ADAMTS3: variants seen among roughly 807,000 people sequenced by gnomAD.
ADAMTS3 encodes ADAM metallopeptidase with thrombospondin type 1 motif 3, also known as A disintegrin and metalloproteinase with thrombospondin motifs 3.
Under a neutral mutation model 129.0 loss-of-function variants are expected in ADAMTS3, and 73 were observed. The observed-to-expected ratio is 0.57, with a 90% CI of 0.47 to 0.69. The LOEUF (loss-of-function observed/expected upper bound fraction) is 0.69. ADAMTS3 is among the 30% of genes least tolerant of loss of function. The probability of loss-of-function intolerance (pLI) is 0.00; values close to 1 mark genes in which losing one functional copy is unlikely to be tolerated. For missense variants in ADAMTS3, 1,457 were observed against 1,514.5 expected, an observed-to-expected ratio of 0.96 and a Z score of 0.63; for synonymous variants, 477 against 510.8, an observed-to-expected ratio of 0.93 and a Z score of 0.89.
chr4:72,536,386 A>G (rs1316946500), intron 3 of ADAMTS3, among the ~76,000 whole-genome samples: 1 of 152,206 alleles, frequency 6.6e-6, no homozygotes, highest in African/African-American at 2.4e-5. Context: ...GGAAGACTAT[A>G]TTTTCCACAA....
At chr4:72,520,250 T>G (rs566407988) in intron 3 of ADAMTS3, among the ~76,000 whole-genome samples, 1 of 151,304 alleles carries the variant, frequency 6.6e-6, no homozygotes, top group Non-Finnish European at 1.5e-5. Flanking sequence ...CTGCCCCTAC[T>G]GGGGGGTGCC....
At chr4:72,510,292 G>T (rs1421195861) in intron 3 of ADAMTS3, among the ~76,000 whole-genome samples, 1 of 151,110 alleles carries the variant, frequency 6.6e-6, no homozygotes, top group Non-Finnish European at 1.5e-5. Context: ...ACAAGAGAAT[G>T]ATATAAAGGG....
intron 2 of ADAMTS3, among the ~76,000 whole-genome samples, chr4:72,565,002 C>A (rs143037871): frequency 1.3e-3 from 194 of 152,264 alleles, no homozygotes; most frequent in African/African-American, 4.5e-3. Context: ...TACAGGGATT[C>A]CAGTAATGTT....
In ADAMTS3 at chr4:72,290,968, C is replaced by A. The variant is rs749578202; in HGVS notation, c.2818G>T (p.Gly940Cys). The A allele has an allele frequency of 9.3e-6, 15 of 1,613,910 alleles. No individual in the cohort carries two copies. In the South Asian group the frequency reaches 1.6e-4, roughly 18 times the overall value. Residue 940 changes from glycine to cysteine, a missense_variant, in exon 20 of 22, where the codon GGC becomes TGC. Coordinates refer to ENST00000286657, the MANE Select transcript of ADAMTS3 (RefSeq NM_014243.3). The stretch of plus-strand genomic sequence containing the variant: ...TTGCTGTGCACAGAGCGGTTGGTGC[C>A]ATCAAGGAGTGGCTGAAGGCAGCGT... ...TVRCLQPLLDGTNRSVHSKYC... is the reference protein window; with the variant it reads ...TVRCLQPLLDCTNRSVHSKYC...
intron 5 of ADAMTS3, among the ~76,000 whole-genome samples, chr4:72,328,771 T>G (rs189725643): frequency 6.6e-6 from 1 of 152,166 alleles, no homozygotes; most frequent in Non-Finnish European, 1.5e-5. Flanking sequence ...AAAATTTTTT[T>G]AAAGAGACTT....
intron 3 of ADAMTS3, among the ~76,000 whole-genome samples, chr4:72,522,953 C>A (rs944767580): frequency 5.3e-5 from 8 of 151,994 alleles, no homozygotes; most frequent in Non-Finnish European, 1.5e-5. Context: ...AAACATAAAA[C>A]ATGAATCTTA....
In ADAMTS3 at chr4:72,319,942, A is replaced by G; in HGVS notation, c.1124T>C (p.Met375Thr). The G allele has an allele frequency of 6.2e-7, 1 of 1,613,074 alleles. No individual in the cohort carries two copies. Among genetic ancestry groups the G allele is most frequent in the Non-Finnish European group, 8.5e-7 (1 of 1,179,112 alleles). ...GGTACAACTTCTCACTGGATGACAC[A>G]TGCCGGTGACTGGAGCATATCCTGT... The part of the protein sequence containing the change: ...GMQGYAPVTG[M>T]CHPVRSCTLN... The change falls in exon 8 of 22, where the codon ATG becomes ACG. Residue 375 changes from methionine to threonine, a missense_variant. By Grantham distance (81) the Met-to-Thr change is moderately conservative. Transcript: ENST00000286657.
chr4:72,424,139 A>C (rs1383145323), intron 3 of ADAMTS3, among the ~76,000 whole-genome samples: 1 of 152,174 alleles, frequency 6.6e-6, no homozygotes, highest in Non-Finnish European at 1.5e-5. Context: ...ATTTGAGTTT[A>C]GCTGGCATTT....
At position 72,312,297 on chromosome 4, in the gene ADAMTS3, G is replaced by A. The variant is rs1303768118; in HGVS notation, c.1915C>T (p.Pro639Ser). The A allele has an allele frequency of 8.1e-6, 13 of 1,613,362 alleles. No individual in the cohort carries two copies. The South Asian group carries it at 1.2e-4, about 15-fold the overall frequency. Residue 639 changes from proline to serine, a missense_variant, in exon 13 of 22, where the codon CCT (proline) becomes TCT (serine). Transcript: ENST00000286657. ...AGAGCACGAGGCTACTCACGGTCAG[G>A]ATGTTCATATGGCAACCAGTGGTGT... ...TKHHWLPYEH[P>S]DPKKRCHLYC...
At chr4:72,351,893 G>A (rs1003688082) in intron 4 of ADAMTS3, among the ~76,000 whole-genome samples, 1 of 151,800 alleles carries the variant, frequency 6.6e-6, no homozygotes, top group Non-Finnish European at 1.5e-5. Flanking sequence ...ACTTCAGAAA[G>A]CCACGTTACA....
At chr4:72,482,874 A>T (rs1164131899) in intron 3 of ADAMTS3, among the ~76,000 whole-genome samples, 1 of 152,184 alleles carries the variant, frequency 6.6e-6, no homozygotes, top group East Asian at 1.9e-4. Context: ...ACTGTAACTC[A>T]TCATACTAAC....
intron 4 of ADAMTS3, among the ~76,000 whole-genome samples, chr4:72,350,527 T>C (rs1720406099): frequency 6.6e-6 from 1 of 152,072 alleles, no homozygotes; most frequent in African/African-American, 2.4e-5. Context: ...TTTTGGCTGC[T>C]GGATATAGTT....
rs958084527 is a variant in ADAMTS3, at chr4:72,344,008, C to T, written c.662-4315G>A. Among the ~76,000 whole-genome samples the T allele has an allele frequency of 2.6e-5, 4 of 152,076 alleles. 1 individual carries two copies. Among genetic ancestry groups the T allele is most frequent in the Admixed American group, 2.6e-4 (4 of 15,248 alleles). ...TTTTAATTGTATCCTTTTGTGCACC[C>T]CCTAGTTTCCCAATTACTGTATAGG... On this transcript the variant is annotated intron_variant, in intron 4 of 21. Coordinates refer to ENST00000286657, the MANE Select transcript of ADAMTS3 (RefSeq NM_014243.3).
chr4:72,428,553 AT>A (rs1258864349), intron 3 of ADAMTS3, among the ~76,000 whole-genome samples: 1 of 152,006 alleles, frequency 6.6e-6, no homozygotes, highest in Non-Finnish European at 1.5e-5. Context: ...TTAAATGCTC[AT>A]TTTTTTATGC....
chr4:72,505,362 G>T (rs1273975462), intron 3 of ADAMTS3, among the ~76,000 whole-genome samples: 1 of 152,178 alleles, frequency 6.6e-6, no homozygotes, highest in African/African-American at 2.4e-5. Flanking sequence ...ATGCACTTCT[G>T]TTGGTAGATT....
intron 4 of ADAMTS3, among the ~76,000 whole-genome samples, chr4:72,392,759 TAAAAC>T (rs537556478): frequency 6.0e-4 from 92 of 152,268 alleles, no homozygotes; most frequent in African/African-American, 2.1e-3. Flanking sequence ...CTTCTTTGCC[TAAAAC>T]AAATTTTTTT....
intron 3 of ADAMTS3, among the ~76,000 whole-genome samples, chr4:72,421,561 T>C (rs1279026767): frequency 6.6e-6 from 1 of 151,974 alleles, no homozygotes; most frequent in Non-Finnish European, 1.5e-5. Context: ...GGCACCTAAG[T>C]AGGAGAGAGT....
chr4:72,445,822 T>C (rs1229351513), intron 3 of ADAMTS3, among the ~76,000 whole-genome samples: 1 of 151,754 alleles, frequency 6.6e-6, no homozygotes, highest in Admixed American at 6.6e-5. Flanking sequence ...CTTGTGTTTA[T>C]GAATCATTAA....
At chr4:72,473,552 G>GAAA (rs765504651) in intron 3 of ADAMTS3, among the ~76,000 whole-genome samples, 95 of 117,270 alleles carry the variant, frequency 8.1e-4, no homozygotes, top group African/African-American at 2.8e-3. Flanking sequence ...AAACACCACA[G>GAAA]AAAAAAAAAA....
Sources: allele counts gnomAD v4.1 joint callset (sites outside exome capture counted in the v4.1 genomes callset), GRCh38; gene constraint gnomAD v4.1.1; transcripts MANE v1.5; gene names NCBI Gene and HGNC (gene_info 2026-07-23, HGNC 2026-07-21).